The following RAB2A variants were observed in gnomAD, a reference collection of about 807,000 sequenced individuals.
RAB2A encodes the protein ras-related protein Rab-2A.
In RAB2A, 7 loss-of-function variants were observed where a neutral mutation model predicts 32.5. That is an observed-to-expected ratio of 0.22 (90% CI 0.12 to 0.40). RAB2A has a LOEUF of 0.40. RAB2A is among the 10% of genes least tolerant of loss of function. RAB2A has a pLI of 1.00. For missense variants in RAB2A, 108 were observed against 260.7 expected (o/e 0.41, Z 4.03); for synonymous variants, 79 against 85.2 (o/e 0.93, Z 0.40).
chr8:60,519,090 G>T (rs1163758795), intron 1 of RAB2A, among the ~76,000 whole-genome samples: 1 of 152,166 alleles, frequency 6.6e-6, no homozygotes, highest in African/African-American at 2.4e-5. Flanking sequence ...TCAAAGGGAA[G>T]ACACTTCTTT....
rs553730582 is a variant in RAB2A at position 60,558,071 on chromosome 8, A to G, written c.47-781A>G. 3.9e-5 allele frequency among the ~76,000 whole-genome samples: 6 copies of G among 152,324 alleles called. No homozygotes were observed. The South Asian group carries it at 6.2e-4, about 16-fold the overall frequency. On this transcript the variant is annotated intron_variant, in intron 1 of 7. Transcript: ENST00000262646. ...CTAGTGCAGTGATACTTAGCATTCA[A>G]TAAAGACTTTGAGTAAGTGAGTGAA... is the stretch of plus-strand genomic sequence containing the variant.
intron 1 of RAB2A, among the ~76,000 whole-genome samples, chr8:60,530,586 C>T (rs901389186): frequency 3.9e-5 from 6 of 152,068 alleles, no homozygotes; most frequent in African/African-American, 1.5e-4. Context: ...CCATGCCCAG[C>T]CCTTTATCAC....
chr8:60,567,553 T>A (rs1808134184), intron 2 of RAB2A, among the ~76,000 whole-genome samples: 1 of 152,142 alleles, frequency 6.6e-6, no homozygotes, highest in African/African-American at 2.4e-5. Context: ...CTTTTAAATT[T>A]GAAAATAGTT....
chr8:60,582,786 C>T (rs1803783297), intron 3 of RAB2A, among the ~76,000 whole-genome samples: 1 of 152,160 alleles, frequency 6.6e-6, no homozygotes, highest in African/African-American at 2.4e-5. Flanking sequence ...CAGACCTTGG[C>T]AGTGACCTTG....
intron 6 of RAB2A, 115 bp from the exon 7 acceptor site, chr8:60,618,465 G>A (rs1024591018): frequency 3.4e-5 from 13 of 385,640 alleles, no homozygotes; most frequent in Non-Finnish European, 4.6e-5. Flanking sequence ...TTATTAATAT[G>A]TATTACGTCG....
At chr8:60,538,105 G>A (rs16926277) in intron 1 of RAB2A, among the ~76,000 whole-genome samples, 11,668 of 152,180 alleles carry the variant, frequency 0.077, 1,357 homozygotes, top group African/African-American at 0.25. Context: ...CATTTTTGCC[G>A]CATTCTTACT....
At position 60,620,965 on chromosome 8, in the gene RAB2A, A is replaced by G. The variant is rs1045593798; in HGVS notation, c.*196A>G. ...AAGACAGATTTTGGAGATTGTATTC[A>G]TATCTATTTGCATTTGATTTCTAGG... On this transcript the variant is annotated 3_prime_UTR_variant, in exon 8 of 8. Coordinates refer to ENST00000262646, the MANE Select transcript of RAB2A (RefSeq NM_002865.3). The G allele has an allele frequency of 3.7e-5, 19 of 511,346 alleles. No homozygotes were observed. In the Middle Eastern group the frequency reaches 1.8e-3, roughly 49 times the overall value. The allele number at this position is 511,346 out of a possible 1,614,324, so 31.7% of individuals were successfully genotyped here. A position where few individuals can be genotyped will look rare whatever the true frequency, so the allele number is the denominator to read the frequency against.
intron 2 of RAB2A, among the ~76,000 whole-genome samples, chr8:60,569,238 C>A (rs1808160517): frequency 6.6e-6 from 1 of 152,146 alleles, no homozygotes; most frequent in South Asian, 2.1e-4. Flanking sequence ...ATTTTTTAAT[C>A]TCATGACTAA....
intron 6 of RAB2A, among the ~76,000 whole-genome samples, chr8:60,599,822 A>G (rs1000943778): frequency 3.9e-5 from 6 of 152,078 alleles, no homozygotes; most frequent in Admixed American, 1.3e-4. Flanking sequence ...TTTAGGGGAA[A>G]AAAAAAGAAA....
chr8:60,607,505 C>T (rs908600504), intron 6 of RAB2A, among the ~76,000 whole-genome samples: 9 of 151,258 alleles, frequency 6.0e-5, no homozygotes. Flanking sequence ...TCAAACTCTT[C>T]GGCTCAAGCA....
intron 1 of RAB2A, among the ~76,000 whole-genome samples, chr8:60,526,056 T>G (rs1807382195): frequency 8.0e-6 from 1 of 125,540 alleles, no homozygotes; most frequent in African/African-American, 3.0e-5. Context: ...TATATATATA[T>G]AAGTTTTCTG....
intron 1 of RAB2A, among the ~76,000 whole-genome samples, chr8:60,554,455 C>A (rs772438263): frequency 6.6e-6 from 1 of 152,072 alleles, no homozygotes; most frequent in African/African-American, 2.4e-5. Context: ...TCTTTTCTAT[C>A]ATGGGTAGGG....
At chr8:60,573,856 C>T (rs1322182281) in intron 3 of RAB2A, among the ~76,000 whole-genome samples, 5 of 152,336 alleles carry the variant, frequency 3.3e-5, no homozygotes, top group South Asian at 2.1e-4. Context: ...AATCATAGCT[C>T]GCTGCAGCCT....
chr8:60,538,798 G>GT (rs1807595361), intron 1 of RAB2A, among the ~76,000 whole-genome samples: 1 of 152,172 alleles, frequency 6.6e-6, no homozygotes, highest in Non-Finnish European at 1.5e-5. Context: ...AGGTAGAAAG[G>GT]TTTCAGTCTC....
chr8:60,597,943 G>A (rs1804058443), intron 6 of RAB2A, among the ~76,000 whole-genome samples: 1 of 152,126 alleles, frequency 6.6e-6, no homozygotes, highest in Non-Finnish European at 1.5e-5. Context: ...ATGACTAATA[G>A]ACCAGTTTAT....
At chr8:60,558,707 T>G (rs1807974522) in intron 1 of RAB2A, 145 bp from the exon 2 acceptor site, 1 of 701,270 alleles carries the variant, frequency 1.4e-6, no homozygotes, top group Admixed American at 2.2e-5. Flanking sequence ...CCTCTTATTT[T>G]GCAAGAAATT....
chr8:60,559,107 G>A, intron 2 of RAB2A, 184 bp downstream of exon 2: 1 of 511,942 alleles, frequency 2.0e-6, no homozygotes, highest in South Asian at 2.7e-5. Context: ...ACCTAACTTT[G>A]TAGAAGTGGT....
intron 6 of RAB2A, among the ~76,000 whole-genome samples, chr8:60,596,464 C>G (rs1181858717): frequency 6.6e-6 from 1 of 152,052 alleles, no homozygotes. Context: ...AAAAAAACAA[C>G]CCCATCAAAA....
chr8:60,520,922 T>C lies in RAB2A; in HGVS notation c.46+3669T>C, dbSNP rs376642205. Among the ~76,000 whole-genome samples, 103 of 152,226 alleles carry C rather than the reference T, an allele frequency of 6.8e-4. 3 individuals carry two copies. The South Asian group carries it at 0.021, about 30-fold the overall frequency. ...GCTTCAGTCTCCTGGGCCTAAGCAA[T>C]CCTCCCACCTAAGTCTTCCAAGTAG... On this transcript the variant is annotated intron_variant, in intron 1 of 7. Coordinates refer to ENST00000262646, the MANE Select transcript of RAB2A (RefSeq NM_002865.3).
Sources: allele counts gnomAD v4.1 joint callset (sites outside exome capture counted in the v4.1 genomes callset), GRCh38; gene constraint gnomAD v4.1.1; transcripts MANE v1.5; gene names NCBI Gene and HGNC (gene_info 2026-07-23, HGNC 2026-07-21).